RANBP2: variants seen among roughly 807,000 people sequenced by gnomAD.
The protein encoded by RANBP2 is E3 SUMO-protein ligase RanBP2.
RANBP2 carries 57 observed loss-of-function variants against 303.6 expected under a neutral mutation model. That is an observed-to-expected ratio of 0.19 (90% CI 0.15 to 0.23). The LOEUF (loss-of-function observed/expected upper bound fraction) is 0.23, where lower values mean the gene tolerates loss of function less well. RANBP2 is among the 10% of genes least tolerant of loss of function. The pLI, the probability that RANBP2 is intolerant of heterozygous loss-of-function variation, is 1.00. For missense variants in RANBP2, 3,138 were observed against 3,780.8 expected (o/e 0.83, Z 4.46); for synonymous variants, 1,167 against 1,301.5 (o/e 0.90, Z 2.23).
rs780577282 is a variant in RANBP2 at position 108,775,781 on chromosome 2, G to T, written c.8342G>T (p.Gly2781Val). Residue 2781 changes from glycine (G) to valine (V), a missense_variant, in exon 24 of 29, where the codon GGT becomes GTT. Gly to Val is a moderately radical substitution (Grantham distance 109, BLOSUM62 -3). Coordinates refer to ENST00000283195, the MANE Select transcript of RANBP2 (RefSeq NM_006267.5). ...ITSTTDSVYT[G>V]GTEVMVPSFC... ...AGCACAACTGACAGTGTATATACAGGTGGGACTGAAGTGATGGTACCTTCT... is the reference window on the plus strand; with the variant it reads ...AGCACAACTGACAGTGTATATACAGTTGGGACTGAAGTGATGGTACCTTCT... 3.1e-6 allele frequency: 5 copies of T among 1,613,850 alleles called. No homozygotes were observed. The South Asian group carries it at 5.5e-5, about 18-fold the overall frequency.
chr2:108,763,392 G>A lies in RANBP2; in HGVS notation c.2853G>A (p.Thr951=), dbSNP rs1209901837. 2.5e-6 allele frequency: 4 copies of A among 1,613,778 alleles called. No individual in the cohort carries two copies. Among genetic ancestry groups the A allele is most frequent in the African/African-American group, 1.3e-5 (1 of 74,838 alleles). ...CATTGCGTTTTGAGTCTCCTGCAAC[G>A]GGAATTCTATCGCCCAGGGGTGATG... ...PPALRFESPA[T]GILSPRGDDY... The change falls in exon 20 of 29, where the codon ACG becomes ACA. Residue 951 remains threonine, a synonymous_variant. Transcript: ENST00000283195.
the RANBP2 span, among the ~76,000 whole-genome samples, chr2:109,678,307 C>A: frequency 1.3e-5 from 2 of 152,246 alleles, no homozygotes; most frequent in Admixed American, 6.5e-5. Flanking sequence ...AGCAGGTTAA[C>A]CTGTGTATCA....
At chr2:108,907,910 G>A in the RANBP2 span, 1 of 1,613,698 alleles carries the variant, frequency 6.2e-7, no homozygotes, top group East Asian at 2.2e-5. Context: ...AGGTGAACCA[G>A]CGACAGCAGG....
chr2:109,132,466 G>T, the RANBP2 span, among the ~76,000 whole-genome samples: 2 of 152,172 alleles, frequency 1.3e-5, no homozygotes, highest in African/African-American at 4.8e-5. Context: ...CCCTGACGTG[G>T]TTAGCAGAAC....
chr2:109,071,122 G>C, the RANBP2 span, among the ~76,000 whole-genome samples: 7 of 152,210 alleles, frequency 4.6e-5, no homozygotes, highest in African/African-American at 1.4e-4. Flanking sequence ...CAATAGAGCA[G>C]CATCTTGGAC....
At chr2:109,524,469 A>AAAAAAAAC in the RANBP2 span, among the ~76,000 whole-genome samples, 3 of 80,836 alleles carry the variant, frequency 3.7e-5, no homozygotes, top group Non-Finnish European at 2.5e-5. Flanking sequence ...AAAAAAAACA[A>AAAAAAAAC]AACAACACTG....
At chr2:109,499,173 G>A in the RANBP2 span, among the ~76,000 whole-genome samples, 2 of 152,210 alleles carry the variant, frequency 1.3e-5, no homozygotes, top group African/African-American at 2.4e-5. Flanking sequence ...CCTGCACGGA[G>A]GCCACCAGGG....
chr2:109,349,031 C>G, the RANBP2 span, among the ~76,000 whole-genome samples: 2 of 152,188 alleles, frequency 1.3e-5, no homozygotes, highest in Non-Finnish European at 2.9e-5. Context: ...CTCTCTCTCT[C>G]TCTCTCACAC....
chr2:108,853,897 ATATTATATAT>A, the RANBP2 span, among the ~76,000 whole-genome samples: 2 of 119,862 alleles, frequency 1.7e-5, no homozygotes, highest in African/African-American at 7.2e-5. Flanking sequence ...TATAGTATAT[ATATTATATAT>A]TATATAGTAT....
the RANBP2 span, among the ~76,000 whole-genome samples, chr2:109,489,345 C>A: frequency 2.6e-5 from 4 of 152,356 alleles, no homozygotes; most frequent in East Asian, 7.7e-4. Context: ...CCTGGTACAG[C>A]TGCAACAACA....
chr2:108,951,245 G>T, the RANBP2 span, among the ~76,000 whole-genome samples: 1 of 152,264 alleles, frequency 6.6e-6, no homozygotes, highest in African/African-American at 2.4e-5. Context: ...CTCAATATCG[G>T]TCTTCTGCAT....
the RANBP2 span, among the ~76,000 whole-genome samples, chr2:109,345,311 T>C: frequency 6.6e-6 from 1 of 152,050 alleles, no homozygotes; most frequent in Non-Finnish European, 1.5e-5. Flanking sequence ...GGAAACACAG[T>C]GTCCCCTTCT....
chr2:109,553,452 G>T, the RANBP2 span, among the ~76,000 whole-genome samples: 1 of 151,798 alleles, frequency 6.6e-6, no homozygotes, highest in East Asian at 1.9e-4. Context: ...GCTGAGGTGG[G>T]AGAATCACCT....
the RANBP2 span, among the ~76,000 whole-genome samples, chr2:109,174,282 G>A: frequency 6.6e-6 from 1 of 152,270 alleles, no homozygotes; most frequent in African/African-American, 2.4e-5. Context: ...GAAGGACTAA[G>A]TTGCTTTGTT....
the RANBP2 span, among the ~76,000 whole-genome samples, chr2:108,945,715 A>G: frequency 6.6e-6 from 1 of 152,254 alleles, no homozygotes; most frequent in Non-Finnish European, 1.5e-5. Flanking sequence ...ACAATGGAAT[A>G]TTACTCAGCC....
chr2:109,204,577 T>TC, the RANBP2 span, among the ~76,000 whole-genome samples: 1 of 152,194 alleles, frequency 6.6e-6, no homozygotes, highest in Non-Finnish European at 1.5e-5. Context: ...TTCAGCAGCG[T>TC]CCCTGGCCTC....
intron 8 of RANBP2, among the ~76,000 whole-genome samples, 175 bp from the exon 9 acceptor site, chr2:108,748,745 C>G (rs1313587736): frequency 3.3e-5 from 5 of 152,116 alleles, no homozygotes; most frequent in Non-Finnish European, 5.9e-5. Context: ...TAAACCTGTA[C>G]TCTTCTCATT....
chr2:108,768,159 C>T lies in RANBP2; in HGVS notation c.7620C>T (p.Ala2540=), dbSNP rs1677243988. 6.2e-7 allele frequency: 1 copy of T among 1,612,014 alleles called. No homozygotes were observed. The highest frequency in any genetic ancestry group is 8.5e-7 in the Non-Finnish European group (1 of 1,179,862). Residue 2540 remains alanine, a synonymous_variant, in exon 20 of 29, where the codon GCC becomes GCT. Coordinates refer to ENST00000283195, the MANE Select transcript of RANBP2 (RefSeq NM_006267.5). The part of the protein sequence containing the change: ...SKPFAFGNSS[A]TGSLFGFSFN... ...CATTTGCATTCGGCAACAGTTCAGC[C>T]ACTGGGTCTTTGTTTGGATTTAGTT...
At chr2:109,189,281 T>G in the RANBP2 span, among the ~76,000 whole-genome samples, 1 of 151,690 alleles carries the variant, frequency 6.6e-6, no homozygotes, top group Non-Finnish European at 1.5e-5. Context: ...TACCTGGCCT[T>G]GGCATTCTGA....
Sources: gnomAD v4.1 joint callset for allele counts (sites outside exome capture counted in the v4.1 genomes callset) on GRCh38, gnomAD v4.1.1 for gene constraint, MANE v1.5 for transcripts, NCBI Gene and HGNC (gene_info 2026-07-23, HGNC 2026-07-21) for gene names.